Variants in EYS observed in about 807,000 individuals in gnomAD.
EYS encodes the protein EGF-like photoreceptor maintenance factor, also known as protein eyes shut homolog.
Under a neutral mutation model 282.1 loss-of-function variants are expected in EYS, and 250 were observed. The observed-to-expected ratio is 0.89, with a 90% CI of 0.80 to 0.98. EYS has a LOEUF of 0.98. EYS is among the 50% of genes least tolerant of loss of function. The pLI, the probability that EYS is intolerant of heterozygous loss-of-function variation, is 0.00. For synonymous variants in EYS, 1,355 were observed against 1,282.9 expected, an observed-to-expected ratio of 1.06 and a Z score of -1.20; for missense variants, 4,016 against 3,709.0, an observed-to-expected ratio of 1.08 and a Z score of -2.15.
intron 12 of EYS, among the ~76,000 whole-genome samples, chr6:65,284,689 A>C (rs1453221030): frequency 2.0e-5 from 3 of 152,134 alleles, no homozygotes; most frequent in African/African-American, 7.2e-5. Flanking sequence ...CTATGGCCTC[A>C]TTATACTTGA....
intron 1 of EYS, among the ~76,000 whole-genome samples, chr6:65,645,870 A>G (rs931604750): frequency 5.3e-5 from 8 of 152,134 alleles, no homozygotes; most frequent in Admixed American, 6.6e-5. Flanking sequence ...ACAGAAATAC[A>G]AAAGATTATT....
At chr6:65,582,920 T>A (rs1430062972) in intron 2 of EYS, among the ~76,000 whole-genome samples, 1 of 152,112 alleles carries the variant, frequency 6.6e-6, no homozygotes, top group Non-Finnish European at 1.5e-5. Flanking sequence ...ACTTGCAAAC[T>A]CTAGGAATGA....
chr6:64,392,795 A>G lies in EYS; in HGVS notation c.5928-3955T>C, dbSNP rs946560255. Among the ~76,000 whole-genome samples the G allele has an allele frequency of 1.8e-4, 28 of 151,456 alleles. 1 individual carries two copies. Among genetic ancestry groups the G allele is most frequent in the Admixed American group, 5.9e-4 (9 of 15,214 alleles). ...CTAAAATCAGAGCAGAACTGAAGGAAATAGAGACACAAAAAACCCTTCAAA... is the reference window on the plus strand; with the variant it reads ...CTAAAATCAGAGCAGAACTGAAGGAGATAGAGACACAAAAAACCCTTCAAA... On this transcript the variant is annotated intron_variant, in intron 28 of 42. Coordinates refer to ENST00000503581, the MANE Select transcript of EYS (RefSeq NM_001142800.2).
intron 12 of EYS, among the ~76,000 whole-genome samples, chr6:65,065,004 A>G (rs1773701797): frequency 1.3e-5 from 2 of 152,118 alleles, no homozygotes; most frequent in African/African-American, 4.8e-5. Flanking sequence ...GACACTAGGC[A>G]TGGAAGTGGC....
At chr6:64,622,343 T>C (rs1767472137) in intron 23 of EYS, among the ~76,000 whole-genome samples, 1 of 152,086 alleles carries the variant, frequency 6.6e-6, no homozygotes, top group Non-Finnish European at 1.5e-5. Context: ...CAATATGTGC[T>C]GAACACTCCC....
At chr6:64,546,171 G>A (rs1245053937) in intron 26 of EYS, among the ~76,000 whole-genome samples, 1 of 152,154 alleles carries the variant, frequency 6.6e-6, no homozygotes, top group Non-Finnish European at 1.5e-5. Context: ...TACCAAAACA[G>A]AGATATAGAC....
At chr6:64,556,478 G>A (rs941527144) in intron 26 of EYS, among the ~76,000 whole-genome samples, 2 of 151,884 alleles carry the variant, frequency 1.3e-5, no homozygotes, top group African/African-American at 4.8e-5. Flanking sequence ...TCCAGAGTTT[G>A]AGTGGGGGTT....
At chr6:64,907,367 A>T (rs1767862474) in intron 16 of EYS, among the ~76,000 whole-genome samples, 1 of 152,126 alleles carries the variant, frequency 6.6e-6, no homozygotes, top group Non-Finnish European at 1.5e-5. Flanking sequence ...GATATATTTT[A>T]TATTTGATTT....
intron 5 of EYS, among the ~76,000 whole-genome samples, chr6:65,412,702 T>C (rs1003747224): frequency 1.1e-4 from 16 of 152,122 alleles, no homozygotes; most frequent in Non-Finnish European, 2.2e-4. Context: ...TGGTATTGAG[T>C]TTTGAGATGA....
intron 37 of EYS, among the ~76,000 whole-genome samples, chr6:63,796,313 A>G (rs1377832519): frequency 6.6e-6 from 1 of 152,170 alleles, no homozygotes; most frequent in East Asian, 1.9e-4. Context: ...ATGGTTTAGA[A>G]GCTGTTCCTC....
chr6:65,403,885 G>A (rs1231921521), intron 6 of EYS, among the ~76,000 whole-genome samples: 6 of 151,826 alleles, frequency 4.0e-5, no homozygotes, highest in Non-Finnish European at 7.4e-5. Flanking sequence ...CATTTTAAAC[G>A]ATACTATTAA....
At chr6:64,370,810 A>G (rs1300102190) in intron 29 of EYS, among the ~76,000 whole-genome samples, 3 of 152,146 alleles carry the variant, frequency 2.0e-5, no homozygotes, top group East Asian at 3.9e-4. Context: ...GCATGCATAG[A>G]AGTGTTCATA....
At chr6:65,361,515 C>T (rs1266351176) in intron 8 of EYS, among the ~76,000 whole-genome samples, 3 of 143,140 alleles carry the variant, frequency 2.1e-5, no homozygotes, top group Admixed American at 7.2e-5. Flanking sequence ...GTGTCTCTCT[C>T]TATCGCCCAG....
At chr6:63,723,727 CTT>C (rs1326486010) in intron 42 of EYS, among the ~76,000 whole-genome samples, 2 of 151,694 alleles carry the variant, frequency 1.3e-5, no homozygotes, top group South Asian at 2.1e-4. Flanking sequence ...AAATCATAGA[CTT>C]TTAAATTTCA....
chr6:64,994,308 G>A (rs1310841040), intron 14 of EYS, among the ~76,000 whole-genome samples: 5 of 152,048 alleles, frequency 3.3e-5, no homozygotes, highest in African/African-American at 1.2e-4. Flanking sequence ...TGGATTTGAA[G>A]TCTTCTTATT....
intron 13 of EYS, among the ~76,000 whole-genome samples, chr6:65,040,841 T>G (rs564028751): frequency 1.1e-4 from 16 of 151,846 alleles, no homozygotes; most frequent in Non-Finnish European, 1.6e-4. Flanking sequence ...TCAAGTGGGA[T>G]GATAAGTGGT....
At chr6:65,241,720 T>G (rs1211241904) in intron 12 of EYS, among the ~76,000 whole-genome samples, 1 of 152,080 alleles carries the variant, frequency 6.6e-6, no homozygotes, top group Non-Finnish European at 1.5e-5. Flanking sequence ...CACTTGATTT[T>G]TCCTACAAAG....
At chr6:64,101,091 TCA>T (rs1356737646) in intron 31 of EYS, among the ~76,000 whole-genome samples, 1 of 152,210 alleles carries the variant, frequency 6.6e-6, no homozygotes, top group African/African-American at 2.4e-5. Context: ...CGGATTCCTC[TCA>T]GTTTTTTGGC....
intron 2 of EYS, among the ~76,000 whole-genome samples, chr6:65,610,902 T>C (rs1019502654): frequency 6.6e-6 from 1 of 152,124 alleles, no homozygotes; most frequent in Admixed American, 6.6e-5. Context: ...ATAATGTTAA[T>C]ATTCCCAGGA....
Sources: gnomAD v4.1 joint callset for allele counts (sites outside exome capture counted in the v4.1 genomes callset) on GRCh38, gnomAD v4.1.1 for gene constraint, MANE v1.5 for transcripts, NCBI Gene and HGNC (gene_info 2026-07-23, HGNC 2026-07-21) for gene names.